Variants in ZC3H4 observed in about 807,000 individuals in gnomAD.
ZC3H4 encodes zinc finger CCCH domain-containing protein 4.
ZC3H4 carries 13 observed loss-of-function variants against 108.3 expected under a neutral mutation model. The ratio of observed to expected loss-of-function variants is 0.12; its 90% CI spans 0.08 to 0.19. The LOEUF (loss-of-function observed/expected upper bound fraction) is 0.19, where lower values mean the gene tolerates loss of function less well. Ranked by LOEUF, ZC3H4 falls within the 10% of genes least tolerant of loss-of-function variation. The probability of loss-of-function intolerance (pLI) is 1.00; values close to 1 mark genes in which losing one functional copy is unlikely to be tolerated. For synonymous variants in ZC3H4, 917 were observed against 749.6 expected (o/e 1.22, Z -3.65); for missense variants, 1,734 against 1,838.8 (o/e 0.94, Z 1.04).
intron 1 of ZC3H4, among the ~76,000 whole-genome samples, chr19:47,113,104 A>G (rs1027571693): frequency 2.6e-5 from 4 of 152,232 alleles, no homozygotes; most frequent in African/African-American, 9.6e-5. Flanking sequence ...GCAATCAGGA[A>G]TTGACACAAA....
At chr19:47,083,667 C>T (rs1360658835) in intron 9 of ZC3H4, among the ~76,000 whole-genome samples, 1 of 152,128 alleles carries the variant, frequency 6.6e-6, no homozygotes, top group African/African-American at 2.4e-5. Context: ...CGAGATCACG[C>T]CACTGCACTC....
At chr19:47,094,868 C>G (rs892534552) in intron 2 of ZC3H4, among the ~76,000 whole-genome samples, 2 of 152,156 alleles carry the variant, frequency 1.3e-5, no homozygotes, top group Non-Finnish European at 2.9e-5. Context: ...CACATCTACG[C>G]CAGATTTCCC....
chr19:47,099,872 C>T (rs2057879480), intron 2 of ZC3H4, among the ~76,000 whole-genome samples: 1 of 139,538 alleles, frequency 7.2e-6, no homozygotes, highest in African/African-American at 2.6e-5. Flanking sequence ...AAGATGGAAA[C>T]TCATGGGAAC....
chr19:47,102,043 G>T lies in ZC3H4; in HGVS notation c.162-7435C>A, dbSNP rs191248638. Among the ~76,000 whole-genome samples the T allele has an allele frequency of 6.8e-4, 103 of 152,122 alleles. 1 individual carries two copies. Among genetic ancestry groups the T allele is most frequent in the Non-Finnish European group, 6.0e-4 (41 of 67,982 alleles). On this transcript the variant is annotated intron_variant, in intron 2 of 14. Transcript: ENST00000253048. ...ATTGAGACTTCGTCTCAAAAAAAAA[G>T]AAAAAGAAAACAAGAACTTCCAAGT...
In ZC3H4 at chr19:47,072,438, C is replaced by A. The variant is rs1385299416; in HGVS notation, c.1716G>T (p.Gln572His). 3 of 1,609,494 alleles carry A rather than the reference C, an allele frequency of 1.9e-6. No homozygotes were observed. Among genetic ancestry groups the A allele is most frequent in the East Asian group, 4.5e-5 (2 of 44,616 alleles). Residue 572 changes from glutamine (Q) to histidine (H), a missense_variant, in exon 12 of 15, where the codon CAG becomes CAT. This residue lies in a region of ZC3H4 where 75 missense variants were observed against 85.8 expected (regional missense o/e 0.87). Coordinates refer to ENST00000253048, the MANE Select transcript of ZC3H4 (RefSeq NM_015168.2). This position sits in a 1 kb window ranked among gnomAD's most constrained non-coding sequence, Gnocchi z 5.6. ...HEPLSPQQLQQQDMYNKKIPS... is the reference protein window; with the variant it reads ...HEPLSPQQLQHQDMYNKKIPS... ...GGATCTTCTTGTTGTACATGTCCTG[C>A]TGCTGCAGCTGCTGCGGGGACAGTG... is the stretch of plus-strand genomic sequence containing the variant.
At chr19:47,090,220 G>A (rs2057708025) in intron 4 of ZC3H4, 31 bp from the exon 5 acceptor site, 3 of 1,612,890 alleles carry the variant, frequency 1.9e-6, no homozygotes, top group Middle Eastern at 1.7e-4. Flanking sequence ...AAAGAGGTGA[G>A]CCGGATCCCA....
In ZC3H4 at chr19:47,067,424, A is replaced by G; in HGVS notation, c.2844T>C (p.Pro948=). The part of the protein sequence containing the change: ...NIPLDPLPGH[P]LRDPRSQLQQ... ...GCAGCTGTGACCGTGGGTCCCGCAG[A>G]GGGTGCCCGGGGAGTGGGTCCAGGG... Residue 948 remains proline, a synonymous_variant, in exon 15 of 15, where the codon CCT becomes CCC. Coordinates refer to ENST00000253048, the MANE Select transcript of ZC3H4 (RefSeq NM_015168.2). This position sits in a 1 kb window ranked among gnomAD's most constrained non-coding sequence, Gnocchi z 6.4. 1 of 1,605,774 alleles carries G rather than the reference A, an allele frequency of 6.2e-7. No homozygotes were observed. The highest frequency in any genetic ancestry group is 8.5e-7 in the Non-Finnish European group (1 of 1,175,386).
At chr19:47,078,597 C>T (rs1193021010) in intron 11 of ZC3H4, among the ~76,000 whole-genome samples, 1 of 152,170 alleles carries the variant, frequency 6.6e-6, no homozygotes. Context: ...AATTCGAGAC[C>T]AGCCTGGCCA....
chr19:47,097,015 A>G (rs2057832491), intron 2 of ZC3H4: 1 of 984,710 alleles, frequency 1.0e-6, no homozygotes, highest in Non-Finnish European at 1.2e-6. Context: ...GGTACAGGCT[A>G]CTCTACATCT....
In ZC3H4 at chr19:47,067,072, C is replaced by T. The variant is rs775865015; in HGVS notation, c.3196G>A (p.Asp1066Asn). 19 of 1,608,728 alleles carry T rather than the reference C, an allele frequency of 1.2e-5. No homozygotes were observed. The highest frequency in any genetic ancestry group is 1.6e-5 in the Non-Finnish European group (19 of 1,177,826). ...TGSSAAPGSS[D>N]KPSDPRVRKA... Reference sequence around the variant, plus strand: ...CGCACCCGGGGGTCACTGGGTTTGTCGCTGGAACCGGGGGCGGCCGAGGAG... The same window carrying T: ...CGCACCCGGGGGTCACTGGGTTTGTTGCTGGAACCGGGGGCGGCCGAGGAG... Residue 1066 changes from aspartate (D) to asparagine (N), a missense_variant, in exon 15 of 15, where the codon GAC becomes AAC. By Grantham distance (23) the Asp-to-Asn change is conservative. This residue lies in a region of ZC3H4 where 518 missense variants were observed against 499.6 expected (regional missense o/e 1.04). Transcript: ENST00000253048. This position sits in a 1 kb window ranked among gnomAD's most constrained non-coding sequence, Gnocchi z 6.4.
intron 10 of ZC3H4, 93 bp from the exon 11 acceptor site, chr19:47,081,715 G>C (rs143121885): frequency 3.3e-5 from 38 of 1,141,404 alleles, no homozygotes; most frequent in Middle Eastern, 1.9e-4. Flanking sequence ...CTTTGTTTTG[G>C]AGATAAGAAA....
intron 2 of ZC3H4, among the ~76,000 whole-genome samples, chr19:47,111,267 G>C (rs2058035268): frequency 6.6e-6 from 1 of 152,166 alleles, no homozygotes; most frequent in Non-Finnish European, 1.5e-5. Context: ...CCTTCTGCTC[G>C]AGCAGGGGAA....
At chr19:47,101,559 C>G (rs2123061838) in intron 2 of ZC3H4, among the ~76,000 whole-genome samples, 1 of 151,798 alleles carries the variant, frequency 6.6e-6, no homozygotes, top group South Asian at 2.1e-4. Flanking sequence ...ATTTTTTTTC[C>G]ATAATAAAAA....
At chr19:47,091,070 G>A (rs1235598787) in intron 4 of ZC3H4, among the ~76,000 whole-genome samples, 1 of 151,848 alleles carries the variant, frequency 6.6e-6, no homozygotes, top group Non-Finnish European at 1.5e-5. Context: ...ATGCAGACGC[G>A]AAATGCGATC....
In ZC3H4 at chr19:47,067,019, C is replaced by G. The variant is rs766253702; in HGVS notation, c.3249G>C (p.Gln1083His). 1.1e-5 allele frequency: 18 copies of G among 1,597,550 alleles called. No individual in the cohort carries two copies. The East Asian group carries it at 3.8e-4, about 34-fold the overall frequency. Reference sequence around the variant, plus strand: ...AGGAGGCCGTAGAGTCTGTGGGTTTCTGCAGCCGAGGGTCGGTGGGGGCCT... The same window carrying G: ...AGGAGGCCGTAGAGTCTGTGGGTTTGTGCAGCCGAGGGTCGGTGGGGGCCT... ...VRKAPTDPRL[Q>H]KPTDSTASSR... Residue 1083 changes from glutamine (Q) to histidine (H), a missense_variant, in exon 15 of 15, where the codon CAG becomes CAC. By Grantham distance (24) the Gln-to-His change is conservative (BLOSUM62 0). Coordinates refer to ENST00000253048, the MANE Select transcript of ZC3H4 (RefSeq NM_015168.2). The surrounding 1 kb of genome is among the most constrained non-coding windows in gnomAD (Gnocchi z 6.4).
chr19:47,075,683 T>C (rs2057407004), intron 11 of ZC3H4, among the ~76,000 whole-genome samples: 1 of 152,038 alleles, frequency 6.6e-6, no homozygotes. Context: ...TAACCCTGCC[T>C]CCTCAGCACC....
At chr19:47,070,098 CAT>C (rs924470663) in intron 13 of ZC3H4, among the ~76,000 whole-genome samples, 5 of 151,606 alleles carry the variant, frequency 3.3e-5, no homozygotes, top group Middle Eastern at 3.2e-3. Context: ...GTGTGTGACA[CAT>C]GTGAGCATGG....
intron 10 of ZC3H4, 65 bp from the exon 11 acceptor site, chr19:47,081,687 A>C: frequency 1.5e-6 from 2 of 1,361,638 alleles, no homozygotes; most frequent in Non-Finnish European, 2.1e-6. Context: ...CCACAGACCC[A>C]AGGCAGAATC....
At chr19:47,076,256 G>A (rs1256188590) in intron 11 of ZC3H4, among the ~76,000 whole-genome samples, 1 of 152,088 alleles carries the variant, frequency 6.6e-6, no homozygotes, top group African/African-American at 2.4e-5. Context: ...TGCAACAACG[G>A]GTGAACCTCA....
Sources: allele counts gnomAD v4.1 joint callset (sites outside exome capture counted in the v4.1 genomes callset), GRCh38; gene constraint gnomAD v4.1.1; regional missense constraint gnomAD v4.1.1; non-coding constraint Gnocchi (gnomAD v3.1); transcripts MANE v1.5; gene names NCBI Gene and HGNC (gene_info 2026-07-23, HGNC 2026-07-21).